TAF4B: variants seen among roughly 807,000 people sequenced by gnomAD.
TAF4B encodes the protein TATA-box binding protein associated factor 4b, also known as transcription initiation factor TFIID subunit 4B.
Under a neutral mutation model 86.4 loss-of-function variants are expected in TAF4B, and 38 were observed. That is an observed-to-expected ratio of 0.44 (90% CI 0.34 to 0.58). TAF4B has a LOEUF of 0.58. Among genes scored for constraint, TAF4B ranks in the 20% least tolerant of loss-of-function variants. The pLI, the probability that TAF4B is intolerant of heterozygous loss-of-function variation, is 0.02. For missense variants in TAF4B, 988 were observed against 1,027.6 expected (o/e 0.96, Z 0.53); for synonymous variants, 388 against 391.2 (o/e 0.99, Z 0.10).
Position 26,227,188 on chromosome 18 carries a change from C to CCCTAGGCTG in TAF4B, c.259_267dup (p.Arg87_Pro89dup), listed in dbSNP as rs761399100. 1 of 1,614,092 alleles carries CCCTAGGCTG rather than the reference C, an allele frequency of 6.2e-7. No individual in the cohort carries two copies. Among genetic ancestry groups the CCCTAGGCTG allele is most frequent in the South Asian group, 1.1e-5 (1 of 91,070 alleles). ...GCGCCCCTCCTAAAGTCAGCAGCGG[C>CCCTAGGCTG]CCTAGGCTGCCTGCTCCTCAGATAG... is the stretch of plus-strand genomic sequence containing the variant. On this transcript the variant is annotated inframe_insertion, in exon 1 of 15. Coordinates refer to ENST00000269142, the MANE Select transcript of TAF4B (RefSeq NM_005640.3).
intron 5 of TAF4B, among the ~76,000 whole-genome samples, chr18:26,276,049 A>G (rs906006267): frequency 5.3e-5 from 8 of 151,848 alleles, no homozygotes; most frequent in Non-Finnish European, 1.2e-4. Flanking sequence ...AAAAGAAAAA[A>G]GAATTATGAA....
At chr18:26,266,030 C>T (rs959656165) in intron 2 of TAF4B, 6 of 152,256 alleles carry the variant, frequency 3.9e-5, no homozygotes, top group African/African-American at 1.4e-4. Context: ...CCGCCTCCGC[C>T]TCTCGAAGTG....
intron 1 of TAF4B, among the ~76,000 whole-genome samples, chr18:26,230,836 G>A (rs1308949489): frequency 6.6e-6 from 1 of 152,126 alleles, no homozygotes; most frequent in African/African-American, 2.4e-5. Flanking sequence ...GTATTTGAAT[G>A]TAGGCATATA....
chr18:26,360,128 A>G (rs1458677660), intron 14 of TAF4B, among the ~76,000 whole-genome samples: 1 of 152,156 alleles, frequency 6.6e-6, no homozygotes, highest in Non-Finnish European at 1.5e-5. Flanking sequence ...ACTCAGTATT[A>G]TTTAATACAT....
intron 13 of TAF4B, among the ~76,000 whole-genome samples, chr18:26,345,639 A>G (rs1050478959): frequency 2.0e-5 from 3 of 152,316 alleles, no homozygotes; most frequent in African/African-American, 7.2e-5. Flanking sequence ...CTAGAACTCA[A>G]CAAACTGACA....
intron 14 of TAF4B, among the ~76,000 whole-genome samples, chr18:26,370,517 C>G (rs1477618937): frequency 2.6e-5 from 4 of 152,208 alleles, no homozygotes; most frequent in African/African-American, 9.6e-5. Flanking sequence ...CCTGTATTGA[C>G]TTCCCTTAAG....
chr18:26,329,232 T>G (rs2057032890), intron 12 of TAF4B, among the ~76,000 whole-genome samples: 1 of 152,014 alleles, frequency 6.6e-6, no homozygotes, highest in South Asian at 2.1e-4. Flanking sequence ...TAAATTTTGA[T>G]TTTTTGTAGA....
chr18:26,345,923 A>C (rs898093865), intron 13 of TAF4B, among the ~76,000 whole-genome samples: 6 of 152,226 alleles, frequency 3.9e-5, no homozygotes, highest in Non-Finnish European at 5.9e-5. Flanking sequence ...CATTCAGTGA[A>C]ATCAGGAAAA....
At chr18:26,304,549 TC>T (rs955537339) in intron 9 of TAF4B, among the ~76,000 whole-genome samples, 2 of 152,110 alleles carry the variant, frequency 1.3e-5, no homozygotes, top group African/African-American at 4.8e-5. Flanking sequence ...TTTGCTTTCT[TC>T]CAGAGAGGAT....
At chr18:26,270,221 C>T (rs1315632517) in intron 3 of TAF4B, among the ~76,000 whole-genome samples, 1 of 152,162 alleles carries the variant, frequency 6.6e-6, no homozygotes, top group Non-Finnish European at 1.5e-5. Context: ...AACTCCATTA[C>T]ACTACTTCTT....
intron 13 of TAF4B, among the ~76,000 whole-genome samples, chr18:26,350,872 GA>G (rs1476390147): frequency 6.6e-6 from 1 of 152,034 alleles, no homozygotes; most frequent in African/African-American, 2.4e-5. Context: ...GACAAAAAAT[GA>G]GTAATGTTAT....
intron 7 of TAF4B, among the ~76,000 whole-genome samples, chr18:26,291,800 G>A (rs1243864145): frequency 1.3e-5 from 2 of 151,814 alleles, no homozygotes; most frequent in South Asian, 2.1e-4. Flanking sequence ...TGGATACAAC[G>A]ATATATCTGA....
Position 26,293,524 on chromosome 18 carries a change from T to A in TAF4B, c.1825T>A (p.Cys609Ser), listed in dbSNP as rs570607119. Residue 609 changes from cysteine (C) to serine (S), a missense_variant, in exon 9 of 15, where the codon TGC (cysteine) becomes AGC (serine). Coordinates refer to ENST00000269142, the MANE Select transcript of TAF4B (RefSeq NM_005640.3). ...KNRIKENVTSCFRDEDDINDV... is the reference protein window; with the variant it reads ...KNRIKENVTSSFRDEDDINDV... ...TAGAATAAAAGAGAATGTAACATCA[T>A]GCTTCCGGTAAGAAAATAAATAGTT... 1 of 1,554,118 alleles carries A rather than the reference T, an allele frequency of 6.4e-7. No individual in the cohort carries two copies. The highest frequency in any genetic ancestry group is 2.3e-5 in the Admixed American group (1 of 43,126).
chr18:26,244,613 C>G (rs1010647042), intron 1 of TAF4B, among the ~76,000 whole-genome samples: 1 of 152,218 alleles, frequency 6.6e-6, no homozygotes, highest in Non-Finnish European at 1.5e-5. Flanking sequence ...AACCCAGTAC[C>G]TCAGTTGGGG....
intron 1 of TAF4B, among the ~76,000 whole-genome samples, chr18:26,227,543 G>T (rs546501749): frequency 3.3e-5 from 5 of 152,344 alleles, no homozygotes; most frequent in African/African-American, 1.2e-4. Flanking sequence ...AGGTGGAGGA[G>T]ATAATATAGC....
chr18:26,335,569 G>A (rs2057084101), intron 13 of TAF4B, among the ~76,000 whole-genome samples: 1 of 152,118 alleles, frequency 6.6e-6, no homozygotes, highest in African/African-American at 2.4e-5. Flanking sequence ...ATTTTTCCAG[G>A]GTAATTGTTC....
intron 1 of TAF4B, among the ~76,000 whole-genome samples, chr18:26,241,927 T>G (rs1295943113): frequency 1.3e-5 from 2 of 152,238 alleles, no homozygotes; most frequent in Non-Finnish European, 2.9e-5. Context: ...AGTTCTAGTT[T>G]GATTGCCCTG....
chr18:26,265,520 C>T (rs2056226922), intron 2 of TAF4B, among the ~76,000 whole-genome samples: 1 of 152,130 alleles, frequency 6.6e-6, no homozygotes, highest in Non-Finnish European at 1.5e-5. Flanking sequence ...ATTCAGTCTT[C>T]AGATTTTATG....
chr18:26,307,288 A>G (rs1352826999), intron 9 of TAF4B, among the ~76,000 whole-genome samples: 1 of 152,076 alleles, frequency 6.6e-6, no homozygotes, highest in Admixed American at 6.6e-5. Context: ...TTCATTTGTG[A>G]CTTTTTCTGC....
Sources: allele counts gnomAD v4.1 joint callset (sites outside exome capture counted in the v4.1 genomes callset), GRCh38; gene constraint gnomAD v4.1.1; transcripts MANE v1.5; gene names NCBI Gene and HGNC (gene_info 2026-07-23, HGNC 2026-07-21).